The following ANKS6 variants were observed in gnomAD, a reference collection of about 807,000 sequenced individuals.
ANKS6 encodes the protein ankyrin repeat and sterile alpha motif domain containing 6.
A neutral mutation model predicts 77.9 loss-of-function variants in ANKS6; 47 were observed. The observed-to-expected ratio is 0.60, with a 90% CI of 0.48 to 0.77. ANKS6 has a LOEUF of 0.77. ANKS6 is among the 30% of genes least tolerant of loss of function. The pLI, the probability that ANKS6 is intolerant of heterozygous loss-of-function variation, is 0.00. For missense variants in ANKS6, 1,150 were observed against 1,159.1 expected (o/e 0.99, Z 0.11); for synonymous variants, 488 against 501.7 (o/e 0.97, Z 0.37).
chr9:98,768,383 GGACT>G (rs1367805278), intron 10 of ANKS6, 133 bp from the exon 11 acceptor site: 2 of 1,084,090 alleles, frequency 1.8e-6, no homozygotes, highest in East Asian at 4.8e-5. Flanking sequence ...CTCCAGGACA[GGACT>G]GACCACAGGA....
intron 9 of ANKS6, among the ~76,000 whole-genome samples, chr9:98,771,409 GCA>G (rs1769354417): frequency 6.6e-6 from 1 of 152,164 alleles, no homozygotes; most frequent in South Asian, 2.1e-4. Context: ...GCACCGCCGG[GCA>G]CAGTGACCAG....
intron 7 of ANKS6, 76 bp downstream of exon 7, chr9:98,778,150 G>A (rs1440647298): frequency 3.3e-6 from 5 of 1,517,224 alleles, no homozygotes; most frequent in Non-Finnish European, 3.6e-6. Flanking sequence ...CAGCAACCCA[G>A]GAGGTAGGAT....
intron 12 of ANKS6, among the ~76,000 whole-genome samples, chr9:98,753,620 C>CAAA (rs34295529): frequency 6.2e-5 from 9 of 144,638 alleles, no homozygotes; most frequent in South Asian, 2.2e-4. Context: ...GACCCTATCT[C>CAAA]AAAAAAAAAA....
chr9:98,764,210 C>G (rs1833155020), intron 11 of ANKS6, among the ~76,000 whole-genome samples: 1 of 152,144 alleles, frequency 6.6e-6, no homozygotes, highest in Non-Finnish European at 1.5e-5. Context: ...AAAAAGTCTG[C>G]TGTAATTCCT....
At chr9:98,751,186 T>G in intron 12 of ANKS6, 90 bp from the exon 13 acceptor site, 2 of 1,031,712 alleles carry the variant, frequency 1.9e-6, no homozygotes, top group Non-Finnish European at 2.9e-6. Context: ...GTAATCTTAT[T>G]TCAAATGAAA....
intron 11 of ANKS6, among the ~76,000 whole-genome samples, chr9:98,762,915 A>G (rs1336381063): frequency 6.6e-6 from 1 of 152,122 alleles, no homozygotes. Context: ...GATTTTCTAT[A>G]ATAATATAAT....
chr9:98,787,240 C>T (rs1834622750), intron 2 of ANKS6, among the ~76,000 whole-genome samples: 1 of 152,162 alleles, frequency 6.6e-6, no homozygotes, highest in Admixed American at 6.5e-5. Context: ...AGGGATCCCC[C>T]AGGGCCAACA....
At chr9:98,759,790 G>C (rs1832912397) in intron 11 of ANKS6, among the ~76,000 whole-genome samples, 1 of 152,174 alleles carries the variant, frequency 6.6e-6, no homozygotes, top group Non-Finnish European at 1.5e-5. Flanking sequence ...AGCTTAAAAA[G>C]ATGATCAATG....
intron 14 of ANKS6, among the ~76,000 whole-genome samples, chr9:98,738,033 T>G (rs975558897): frequency 1.3e-5 from 2 of 152,214 alleles, no homozygotes; most frequent in African/African-American, 4.8e-5. Context: ...GCTAGCCACA[T>G]GTAGGAGAAT....
At chr9:98,762,412 T>C (rs1833065268) in intron 11 of ANKS6, among the ~76,000 whole-genome samples, 1 of 152,186 alleles carries the variant, frequency 6.6e-6, no homozygotes, top group African/African-American at 2.4e-5. Context: ...TCTGTATGCC[T>C]TTTATTTTTC....
chr9:98,778,191 C>G (rs377396977), intron 7 of ANKS6, 35 bp downstream of exon 7: 6 of 1,611,136 alleles, frequency 3.7e-6, no homozygotes, highest in Non-Finnish European at 5.1e-6. Flanking sequence ...TCAGACCATT[C>G]CAAAAATTCT....
Position 98,736,573 on chromosome 9 carries a change from G to A in ANKS6, c.2562C>T (p.Ser854=). The change falls in exon 15 of 15, where the codon TCC becomes TCT. Residue 854 remains serine (S), a synonymous_variant. Coordinates refer to ENST00000353234, the MANE Select transcript of ANKS6 (RefSeq NM_173551.5). ...TGGTGTTGCTGGCACTGCTCTCAAA[G>A]GAAGAGTGAAAGTTGTGAATGGTTT... is the stretch of plus-strand genomic sequence containing the variant. ...LQETIHNFHS[S]FESSASNTRA... is the part of the protein sequence containing the mutation. 6.2e-7 allele frequency: 1 copy of A among 1,613,722 alleles called. No homozygotes were observed. The highest frequency in any genetic ancestry group is 8.5e-7 in the Non-Finnish European group (1 of 1,179,870).
chr9:98,734,200 G>A lies in ANKS6; in HGVS notation c.*2319C>T. ...AAACTTCCTAGGATGAAAAGCCTTG[G>A]ACACTTGAGTCCAGTGAAAAAGAAA... On this transcript the variant is annotated 3_prime_UTR_variant, in exon 15 of 15. Coordinates refer to ENST00000353234, the MANE Select transcript of ANKS6 (RefSeq NM_173551.5). 1 of 985,480 alleles carries A rather than the reference G, an allele frequency of 1.0e-6. No individual in the cohort carries two copies. Among genetic ancestry groups the A allele is most frequent in the Non-Finnish European group, 1.2e-6 (1 of 830,024 alleles). 61.0% of individuals were successfully genotyped at this position (985,480 alleles called of 1,614,324 possible). A position where few individuals can be genotyped will look rare whatever the true frequency, so the allele number is the denominator to read the frequency against.
In ANKS6 at chr9:98,745,550, G is replaced by C. The variant is rs1244820603; in HGVS notation, c.2511+9C>G. 3.7e-6 allele frequency: 6 copies of C among 1,606,750 alleles called. No individual in the cohort carries two copies. Among genetic ancestry groups the C allele is most frequent in the Non-Finnish European group, 3.4e-6 (4 of 1,173,192 alleles). ...GAAACACGGAAATACAAGAAACAGA[G>C]AACGGTACCTTGCCTGCGTTCAGTT... On this transcript the variant is annotated intron_variant, in intron 14 of 14. Transcript: ENST00000353234.
chr9:98,796,390 C>A lies in ANKS6; in HGVS notation c.102G>T (p.Ala34=), dbSNP rs1033362920. The change falls in exon 1 of 15, where the codon GCG becomes GCT. Residue 34 remains alanine (A), a synonymous_variant. Transcript: ENST00000353234. Reference sequence around the variant, plus strand: ...GCTCCGCGCCGCGCTCGGCTGGCTCCGCCGCCCCCGGCTCCAGCAGCCGCC... The same window carrying A: ...GCTCCGCGCCGCGCTCGGCTGGCTCAGCCGCCCCCGGCTCCAGCAGCCGCC... ...TARRLLEPGA[A]EPAERGAEPE... 1 of 1,002,616 alleles carries A rather than the reference C, an allele frequency of 1.0e-6. No individual in the cohort carries two copies. Among genetic ancestry groups the A allele is most frequent in the Non-Finnish European group, 1.2e-6 (1 of 843,356 alleles). 62.1% of individuals were successfully genotyped at this position (1,002,616 alleles called of 1,614,324 possible). A position where few individuals can be genotyped will look rare whatever the true frequency, so the allele number is the denominator to read the frequency against.
Position 98,773,770 on chromosome 9 carries a change from G to T in ANKS6, c.1821+107C>A, listed in dbSNP as rs1043758985. ...ATCATCCATTCAAAAGAAAAAAAAA[G>T]TTGCAACCCCTCTGGATTCGTCGGT... On this transcript the variant is annotated intron_variant, in intron 9 of 14. Transcript: ENST00000353234. The T allele has an allele frequency of 3.8e-6, 4 of 1,054,810 alleles. No individual in the cohort carries two copies. The African/African-American group carries it at 6.5e-5, about 17-fold the overall frequency. The allele number at this position is 1,054,810 out of a possible 1,614,324, so 65.3% of individuals were successfully genotyped here. A position where few individuals can be genotyped will look rare whatever the true frequency, so the allele number is the denominator to read the frequency against.
chr9:98,773,963 G>T lies in ANKS6; in HGVS notation c.1735C>A (p.His579Asn), dbSNP rs1833778747. 6.2e-7 allele frequency: 1 copy of T among 1,602,076 alleles called. No homozygotes were observed. Among genetic ancestry groups the T allele is most frequent in the Non-Finnish European group, 8.5e-7 (1 of 1,176,128 alleles). ...TTCATGGGGTCTGCCTTCCCGTTGT[G>T]ACGCGTCCGGGACCGATCAGAGCTC... ...LWSSDRSRTRHNGKADPMKTA... is the reference protein window; with the variant it reads ...LWSSDRSRTRNNGKADPMKTA... Residue 579 changes from histidine (H) to asparagine (N), a missense_variant, in exon 9 of 15, where the codon CAC (histidine) becomes AAC (asparagine). Coordinates refer to ENST00000353234, the MANE Select transcript of ANKS6 (RefSeq NM_173551.5).
intron 11 of ANKS6, among the ~76,000 whole-genome samples, chr9:98,760,011 T>C (rs971062301): frequency 1.3e-5 from 2 of 152,156 alleles, no homozygotes; most frequent in African/African-American, 4.8e-5. Context: ...ATAATAAATG[T>C]CTGATATGAT....
intron 1 of ANKS6, among the ~76,000 whole-genome samples, chr9:98,793,561 G>A (rs1419307150): frequency 2.6e-5 from 4 of 151,792 alleles, no homozygotes; most frequent in South Asian, 4.2e-4. Context: ...TCGCTCTGTC[G>A]CCAGGCTGGA....
Sources: gnomAD v4.1 joint callset for allele counts (sites outside exome capture counted in the v4.1 genomes callset) on GRCh38, gnomAD v4.1.1 for gene constraint, MANE v1.5 for transcripts, NCBI Gene and HGNC (gene_info 2026-07-23, HGNC 2026-07-21) for gene names.